Variants in COL23A1 observed in about 807,000 individuals in gnomAD.
COL23A1 encodes the protein collagen alpha-1(XXIII) chain.
COL23A1 carries 97 observed loss-of-function variants against 99.3 expected under a neutral mutation model. That is an observed-to-expected ratio of 0.98 (90% confidence interval 0.83 to 1.16). The LOEUF is 1.16. Among genes scored for constraint, COL23A1 ranks in the 50% most tolerant of loss-of-function variants. The probability of loss-of-function intolerance (pLI) is 0.00; values close to 1 mark genes in which losing one functional copy is unlikely to be tolerated. For synonymous variants in COL23A1, 320 were observed against 308.2 expected (o/e 1.04, Z -0.40); for missense variants, 762 against 757.4 (o/e 1.01, Z -0.07).
chr5:178,246,487 A>G lies in COL23A1; in HGVS notation c.1297-34T>C, dbSNP rs1764703466. ...AAAGGAGGGAAATCAGTCAAGGGGA[A>G]GGGGTTAGACAGACAGTAGGACAGG... On this transcript the variant is annotated intron_variant, in intron 22 of 28. Coordinates refer to ENST00000390654, the MANE Select transcript of COL23A1 (RefSeq NM_173465.4). The G allele has an allele frequency of 1.9e-6, 3 of 1,550,296 alleles. No homozygotes were observed. In the African/African-American group the frequency reaches 4.1e-5, roughly 21 times the overall value.
At chr5:178,475,638 C>A (rs1309442642) in intron 2 of COL23A1, among the ~76,000 whole-genome samples, 1 of 152,176 alleles carries the variant, frequency 6.6e-6, no homozygotes, top group Non-Finnish European at 1.5e-5. Flanking sequence ...AACTCAGCAG[C>A]TTAAAGCTTA....
intron 2 of COL23A1, among the ~76,000 whole-genome samples, chr5:178,389,043 C>T (rs569494277): frequency 6.6e-6 from 1 of 152,300 alleles, no homozygotes; most frequent in South Asian, 2.1e-4. Flanking sequence ...ATTTACACTC[C>T]TTACCAAGGC....
chr5:178,261,771 G>A (rs2973745), intron 10 of COL23A1, 23 bp from the exon 11 acceptor site: 721,299 of 1,571,424 alleles, frequency 0.46, 171,983 homozygotes, highest in Non-Finnish European at 0.49. Context: ...AAGAGAAGGT[G>A]TTAAATGTCA....
Position 178,332,669 on chromosome 5 carries a change from G to A in COL23A1, c.362-25750C>T, listed in dbSNP as rs7725724. Among the ~76,000 whole-genome samples the A allele has an allele frequency of 4.3e-3, 658 of 152,116 alleles. 7 individuals are homozygous for A. Among genetic ancestry groups the A allele is most frequent in the African/African-American group, 0.015 (624 of 41,474 alleles). ...CTAAAATCACAAGGCAGCCCACTTG[G>A]TCTATGTTTGATTTTAACAGAGATG... On this transcript the variant is annotated intron_variant, in intron 2 of 28. Transcript: ENST00000390654.
chr5:178,490,539 C>T (rs543228577), intron 2 of COL23A1, among the ~76,000 whole-genome samples: 78 of 152,048 alleles, frequency 5.1e-4, no homozygotes, highest in African/African-American at 1.8e-3. Context: ...CTGCACAATA[C>T]TGTGACTGTA....
intron 2 of COL23A1, among the ~76,000 whole-genome samples, chr5:178,314,434 C>T (rs1758871670): frequency 6.6e-6 from 1 of 152,160 alleles, no homozygotes; most frequent in Non-Finnish European, 1.5e-5. Context: ...AGACCCCGAC[C>T]ACCCCAGTGA....
intron 2 of COL23A1, among the ~76,000 whole-genome samples, chr5:178,326,801 C>G (rs1759694275): frequency 1.3e-5 from 2 of 152,230 alleles, no homozygotes; most frequent in South Asian, 2.1e-4. Flanking sequence ...CTCACTGCAA[C>G]CTCTGCCTCC....
chr5:178,331,055 T>C (rs1759989972), intron 2 of COL23A1, among the ~76,000 whole-genome samples: 2 of 152,230 alleles, frequency 1.3e-5, no homozygotes, highest in Non-Finnish European at 2.9e-5. Context: ...GTGCCTGGCA[T>C]ACAGTAGGAG....
chr5:178,420,535 T>C (rs1385137471), intron 2 of COL23A1, among the ~76,000 whole-genome samples: 1 of 61,074 alleles, frequency 1.6e-5, no homozygotes, highest in Non-Finnish European at 3.2e-5. Flanking sequence ...CTCCTCACTT[T>C]CCTCCTCCCC....
At chr5:178,586,657 G>C (rs1378506726) in intron 1 of COL23A1, among the ~76,000 whole-genome samples, 3 of 151,554 alleles carry the variant, frequency 2.0e-5, no homozygotes, top group East Asian at 3.9e-4. Context: ...AAGTGAACAT[G>C]CCAAGAAGTC....
chr5:178,267,491 A>G (rs76100990), intron 7 of COL23A1, among the ~76,000 whole-genome samples, 158 bp from the exon 8 acceptor site: 2,542 of 152,320 alleles, frequency 0.017, 53 homozygotes, highest in East Asian at 0.086. Context: ...TCCAACGAGG[A>G]AGCAGACACA....
intron 2 of COL23A1, among the ~76,000 whole-genome samples, chr5:178,481,448 T>C (rs1191653438): frequency 6.6e-6 from 1 of 152,056 alleles, no homozygotes; most frequent in African/African-American, 2.4e-5. Context: ...ACCCAGAGAA[T>C]TTGCAAGTCA....
intron 2 of COL23A1, among the ~76,000 whole-genome samples, chr5:178,386,427 A>C (rs1386064265): frequency 2.2e-5 from 3 of 139,372 alleles, no homozygotes; most frequent in Non-Finnish European, 4.7e-5. Flanking sequence ...AGAGAGAGCG[A>C]GACTCCGTCT....
chr5:178,272,674 C>T (rs1301340328), intron 5 of COL23A1, among the ~76,000 whole-genome samples: 1 of 152,186 alleles, frequency 6.6e-6, no homozygotes, highest in Non-Finnish European at 1.5e-5. Flanking sequence ...CCCGGCTGTC[C>T]TGATCCTGGG....
intron 4 of COL23A1, 44 bp downstream of exon 4, chr5:178,290,318 C>G (rs1757384616): frequency 6.2e-7 from 1 of 1,613,662 alleles, no homozygotes; most frequent in Non-Finnish European, 8.5e-7. Flanking sequence ...GAGAACCAAA[C>G]ATCTTATCTT....
At chr5:178,357,305 T>G (rs59970256) in intron 2 of COL23A1, among the ~76,000 whole-genome samples, 4,066 of 152,164 alleles carry the variant, frequency 0.027, 164 homozygotes, top group African/African-American at 0.092. Flanking sequence ...GTCCACGCCC[T>G]CAGGAGAATG....
chr5:178,507,091 T>C (rs1758914852), intron 2 of COL23A1, among the ~76,000 whole-genome samples: 1 of 152,232 alleles, frequency 6.6e-6, no homozygotes, highest in African/African-American at 2.4e-5. Context: ...TTCCATTGTC[T>C]CCTTTTCAAA....
Position 178,505,272 on chromosome 5 carries a change from C to T in COL23A1, c.361+55410G>A, listed in dbSNP as rs142100914. Among the ~76,000 whole-genome samples, 1,002 of 150,026 alleles carry T rather than the reference C, an allele frequency of 6.7e-3. 9 individuals are homozygous for T. The highest frequency in any genetic ancestry group is 0.023 in the African/African-American group (950 of 41,054). ...TCCCTTTTTCTTTTTTTTTTTGAGACAGAGTCTTGCTCTGTCATCCAGGCT... is the reference window on the plus strand; with the variant it reads ...TCCCTTTTTCTTTTTTTTTTTGAGATAGAGTCTTGCTCTGTCATCCAGGCT... On this transcript the variant is annotated intron_variant, in intron 2 of 28. Coordinates refer to ENST00000390654, the MANE Select transcript of COL23A1 (RefSeq NM_173465.4).
At chr5:178,388,909 T>C (rs1452964942) in intron 2 of COL23A1, among the ~76,000 whole-genome samples, 3 of 152,126 alleles carry the variant, frequency 2.0e-5, no homozygotes, top group Non-Finnish European at 2.9e-5. Context: ...AAGGTGGAGA[T>C]TGGAGGGGAT....
Sources: allele counts gnomAD v4.1 joint callset (sites outside exome capture counted in the v4.1 genomes callset), GRCh38; gene constraint gnomAD v4.1.1; transcripts MANE v1.5; gene names NCBI Gene and HGNC (gene_info 2026-07-23, HGNC 2026-07-21).